ATXN1: variants seen among roughly 807,000 people sequenced by gnomAD.
ATXN1 encodes ataxin 1, also known as ataxin-1.
In ATXN1, 8 loss-of-function variants were observed where a neutral mutation model predicts 56.4. That is an observed-to-expected ratio of 0.14 (90% CI 0.08 to 0.26). The LOEUF (loss-of-function observed/expected upper bound fraction) is 0.26. Among genes scored for constraint, ATXN1 ranks in the 10% least tolerant of loss-of-function variants. ATXN1 has a pLI of 1.00. For missense variants in ATXN1, 987 were observed against 1,106.5 expected, an observed-to-expected ratio of 0.89 and a Z score of 1.53; for synonymous variants, 514 against 494.6, an observed-to-expected ratio of 1.04 and a Z score of -0.52.
chr6:16,561,924 G>C (rs1001681198), intron 4 of ATXN1, among the ~76,000 whole-genome samples: 1 of 152,128 alleles, frequency 6.6e-6, no homozygotes, highest in Admixed American at 6.5e-5. Context: ...CTCAGGACCT[G>C]GAAGATGTAA....
At chr6:16,570,140 T>A (rs141763638) in intron 4 of ATXN1, among the ~76,000 whole-genome samples, 1 of 152,346 alleles carries the variant, frequency 6.6e-6, no homozygotes, top group East Asian at 1.9e-4. Context: ...TCAGGAAATG[T>A]CCTTTACATT....
chr6:16,381,580 G>T (rs1316137006), intron 6 of ATXN1, among the ~76,000 whole-genome samples: 1 of 152,236 alleles, frequency 6.6e-6, no homozygotes, highest in Non-Finnish European at 1.5e-5. Context: ...GTGAAGGAAT[G>T]ACTTCATCAT....
At chr6:16,668,647 C>T (rs1758479610) in intron 2 of ATXN1, among the ~76,000 whole-genome samples, 1 of 152,032 alleles carries the variant, frequency 6.6e-6, no homozygotes, top group East Asian at 1.9e-4. Context: ...GGATAGTATA[C>T]TAACTCTTGG....
intron 4 of ATXN1, among the ~76,000 whole-genome samples, chr6:16,573,233 C>T (rs555768863): frequency 5.3e-5 from 8 of 151,890 alleles, no homozygotes; most frequent in African/African-American, 1.7e-4. Context: ...CATTATTCCT[C>T]GATGTAGGCA....
chr6:16,439,372 GCGGGGCGGGAATAAGGGTTGGGGT>G (rs1759463933), intron 6 of ATXN1, among the ~76,000 whole-genome samples: 9 of 28,446 alleles, frequency 3.2e-4, no homozygotes, highest in Admixed American at 6.2e-4. Context: ...GGGGCCGGGG[GCGGGGCGGGAATAAGGGTTGGGGT>G]GGGGTGGGGA....
At chr6:16,618,592 C>T (rs757784765) in intron 3 of ATXN1, among the ~76,000 whole-genome samples, 4 of 152,024 alleles carry the variant, frequency 2.6e-5, no homozygotes, top group African/African-American at 4.8e-5. Flanking sequence ...ATTAGCTGGA[C>T]GTGGTGGTAC....
At chr6:16,687,936 C>T (rs564573947) in intron 2 of ATXN1, among the ~76,000 whole-genome samples, 35 of 152,264 alleles carry the variant, frequency 2.3e-4, no homozygotes, top group South Asian at 1.2e-3. Context: ...AGAAACTATA[C>T]TTTCATTGGC....
intron 2 of ATXN1, among the ~76,000 whole-genome samples, chr6:16,684,664 T>G (rs1051286565): frequency 5.3e-5 from 8 of 152,200 alleles, no homozygotes; most frequent in East Asian, 3.8e-4. Flanking sequence ...GCTCAACCAG[T>G]GATGGTCTTT....
chr6:16,468,498 T>C lies in ATXN1; in HGVS notation c.-161+17474A>G, dbSNP rs1374109148. Among the ~76,000 whole-genome samples, 3 of 152,284 alleles carry C rather than the reference T, an allele frequency of 2.0e-5. No individual in the cohort carries two copies. The East Asian group carries it at 5.8e-4, about 29-fold the overall frequency. On this transcript the variant is annotated intron_variant, in intron 6 of 7. Coordinates refer to ENST00000436367, the MANE Select transcript of ATXN1 (RefSeq NM_001128164.2). Reference sequence around the variant, plus strand: ...GCCACCATGCCTGGCCCGGACTGGTTATTACCTTATAAAGGGAAGTACCAT... The same window carrying C: ...GCCACCATGCCTGGCCCGGACTGGTCATTACCTTATAAAGGGAAGTACCAT...
At chr6:16,348,303 G>A (rs549894786) in intron 6 of ATXN1, among the ~76,000 whole-genome samples, 8 of 152,158 alleles carry the variant, frequency 5.3e-5, no homozygotes, top group East Asian at 1.9e-4. Flanking sequence ...GGGCTTAAGC[G>A]ATCCTCCCAT....
At chr6:16,489,147 C>T (rs1046590535) in intron 5 of ATXN1, among the ~76,000 whole-genome samples, 2 of 152,270 alleles carry the variant, frequency 1.3e-5, no homozygotes, top group East Asian at 3.9e-4. Flanking sequence ...CTTGAAGGCT[C>T]AAAAAGTTTC....
intron 6 of ATXN1, among the ~76,000 whole-genome samples, chr6:16,454,211 T>C (rs997763358): frequency 2.7e-5 from 4 of 150,656 alleles, no homozygotes; most frequent in Non-Finnish European, 5.9e-5. Flanking sequence ...CAAGTACTGA[T>C]TTAGGTACAG....
At chr6:16,394,369 G>T (rs1271745252) in intron 6 of ATXN1, among the ~76,000 whole-genome samples, 1 of 151,746 alleles carries the variant, frequency 6.6e-6, no homozygotes, top group East Asian at 1.9e-4. Context: ...TCTCTTCTTG[G>T]GAATATTTTC....
intron 4 of ATXN1, among the ~76,000 whole-genome samples, chr6:16,532,706 A>G (rs1761528732): frequency 6.6e-6 from 1 of 152,132 alleles, no homozygotes; most frequent in South Asian, 2.1e-4. Flanking sequence ...ATTAACAACA[A>G]AAAAAACAAC....
chr6:16,643,627 CAAAAAAAAAAA>C (rs58223053), intron 3 of ATXN1, among the ~76,000 whole-genome samples: 5 of 63,198 alleles, frequency 7.9e-5, no homozygotes, highest in Non-Finnish European at 1.7e-4. Context: ...GAGACCCTGC[CAAAAAAAAAAA>C]AAAAAAAAAA....
intron 2 of ATXN1, among the ~76,000 whole-genome samples, chr6:16,713,278 A>G (rs1759565066): frequency 2.0e-5 from 3 of 152,194 alleles, no homozygotes; most frequent in Non-Finnish European, 4.4e-5. Context: ...CGCTTCCTCT[A>G]TTTCAATTTA....
intron 6 of ATXN1, among the ~76,000 whole-genome samples, chr6:16,348,638 C>T (rs179984): frequency 0.29 from 43,369 of 151,624 alleles, 7,656 homozygotes; most frequent in Non-Finnish European, 0.4. Context: ...GAGGTTGCAG[C>T]GAACCAAGAT....
chr6:16,724,593 G>A (rs1405176858), intron 2 of ATXN1, among the ~76,000 whole-genome samples: 1 of 152,150 alleles, frequency 6.6e-6, no homozygotes, highest in African/African-American at 2.4e-5. Flanking sequence ...CTTTCTACGG[G>A]ACAACCATTC....
intron 2 of ATXN1, among the ~76,000 whole-genome samples, chr6:16,678,516 T>C (rs1758732794): frequency 6.6e-6 from 1 of 152,210 alleles, no homozygotes; most frequent in African/African-American, 2.4e-5. Flanking sequence ...GGCTGGGATG[T>C]TCCCAGCTAA....
Sources: gnomAD v4.1 joint callset for allele counts (sites outside exome capture counted in the v4.1 genomes callset) on GRCh38, gnomAD v4.1.1 for gene constraint, MANE v1.5 for transcripts, NCBI Gene and HGNC (gene_info 2026-07-23, HGNC 2026-07-21) for gene names.